PLGRKT: variants seen among roughly 807,000 people sequenced by gnomAD.
PLGRKT encodes plasminogen receptor (KT).
A neutral mutation model predicts 18.5 loss-of-function variants in PLGRKT; 22 were observed. The ratio of observed to expected loss-of-function variants is 1.19; its 90% confidence interval spans 0.85 to 1.70. The LOEUF (loss-of-function observed/expected upper bound fraction) is 1.70. PLGRKT is among the 40% of genes most tolerant of loss of function. The pLI, the probability that PLGRKT is intolerant of heterozygous loss-of-function variation, is 0.00. For missense variants in PLGRKT, 235 were observed against 174.4 expected, an observed-to-expected ratio of 1.35 and a Z score of -1.96; for synonymous variants, 72 against 52.8, an observed-to-expected ratio of 1.36 and a Z score of -1.58.
intron 2 of PLGRKT, among the ~76,000 whole-genome samples, chr9:5,433,192 C>G (rs1216561269): frequency 6.7e-6 from 1 of 150,064 alleles, no homozygotes; most frequent in African/African-American, 2.5e-5. Flanking sequence ...GGCCGCCACC[C>G]CGTCTAGGAA....
chr9:5,397,857 C>G (rs1818082809), intron 3 of PLGRKT, among the ~76,000 whole-genome samples: 1 of 151,956 alleles, frequency 6.6e-6, no homozygotes, highest in Non-Finnish European at 1.5e-5. Context: ...TGCTCCTCTT[C>G]TCTATCTCTA....
intron 3 of PLGRKT, among the ~76,000 whole-genome samples, chr9:5,374,243 C>G (rs193035889): frequency 1.3e-5 from 2 of 152,318 alleles, no homozygotes; most frequent in East Asian, 3.9e-4. Context: ...TACTCCAGTT[C>G]AGACCATCAT....
At chr9:5,387,199 C>T (rs1218587063) in intron 3 of PLGRKT, among the ~76,000 whole-genome samples, 1 of 151,810 alleles carries the variant, frequency 6.6e-6, no homozygotes, top group African/African-American at 2.4e-5. Flanking sequence ...TATAGGGTCT[C>T]GTAGGCCTTT....
chr9:5,362,602 G>A (rs542222611), intron 3 of PLGRKT, among the ~76,000 whole-genome samples: 1 of 152,296 alleles, frequency 6.6e-6, no homozygotes, highest in South Asian at 2.1e-4. Flanking sequence ...CATTGTTGTT[G>A]ATGTTTTAAT....
At chr9:5,364,870 T>C (rs1401060630) in intron 3 of PLGRKT, among the ~76,000 whole-genome samples, 1 of 152,180 alleles carries the variant, frequency 6.6e-6, no homozygotes, top group Non-Finnish European at 1.5e-5. Flanking sequence ...GAATGAACCA[T>C]GTGGTACTGG....
intron 3 of PLGRKT, among the ~76,000 whole-genome samples, chr9:5,408,183 G>A (rs935335581): frequency 3.9e-5 from 6 of 152,200 alleles, no homozygotes; most frequent in African/African-American, 9.6e-5. Flanking sequence ...GGCAGAGGTT[G>A]GAAGAGTGTG....
At chr9:5,389,820 A>T (rs1026812807) in intron 3 of PLGRKT, among the ~76,000 whole-genome samples, 5 of 151,956 alleles carry the variant, frequency 3.3e-5, no homozygotes, top group Non-Finnish European at 7.3e-5. Context: ...AAGTAGAGAA[A>T]CCAGCTTCAT....
intron 3 of PLGRKT, among the ~76,000 whole-genome samples, chr9:5,374,106 G>C (rs1817581154): frequency 6.6e-6 from 1 of 152,152 alleles, no homozygotes; most frequent in African/African-American, 2.4e-5. Context: ...CTCTACCTTA[G>C]AACTGTTCTT....
At chr9:5,394,153 G>C (rs1818000732) in intron 3 of PLGRKT, among the ~76,000 whole-genome samples, 1 of 151,730 alleles carries the variant, frequency 6.6e-6, no homozygotes, top group Non-Finnish European at 1.5e-5. Context: ...AGTTTCAAAG[G>C]CAAAATGATC....
At chr9:5,435,655 A>C (rs145643529) in intron 2 of PLGRKT, among the ~76,000 whole-genome samples, 1 of 152,350 alleles carries the variant, frequency 6.6e-6, no homozygotes, top group African/African-American at 2.4e-5. Context: ...TTTATTCTTA[A>C]TCCAACTGGG....
chr9:5,431,531 C>CAAAAAAAAAAAAAAAAAA (rs1191361436), intron 3 of PLGRKT, among the ~76,000 whole-genome samples: 1 of 77,038 alleles, frequency 1.3e-5, no homozygotes, highest in Non-Finnish European at 2.5e-5. Flanking sequence ...GAGACTCTCT[C>CAAAAAAAAAAAAAAAAAA]AAAAAAAAAA....
At chr9:5,377,594 T>A (rs1370170839) in intron 3 of PLGRKT, among the ~76,000 whole-genome samples, 1 of 152,112 alleles carries the variant, frequency 6.6e-6, no homozygotes, top group Non-Finnish European at 1.5e-5. Flanking sequence ...GCAGATGGGA[T>A]CAAAATGATG....
intron 3 of PLGRKT, among the ~76,000 whole-genome samples, chr9:5,422,464 C>T (rs1325808494): frequency 6.6e-6 from 1 of 152,138 alleles, no homozygotes; most frequent in Non-Finnish European, 1.5e-5. Flanking sequence ...GTAGCACATT[C>T]CATAGAACAG....
chr9:5,423,644 C>A (rs924922864), intron 3 of PLGRKT, among the ~76,000 whole-genome samples: 8 of 152,064 alleles, frequency 5.3e-5, no homozygotes, highest in Non-Finnish European at 7.4e-5. Flanking sequence ...GATTGCCAGG[C>A]CCCAGGTACC....
chr9:5,437,559 T>G (rs1360437638), intron 1 of PLGRKT: 1 of 152,248 alleles, frequency 6.6e-6, no homozygotes, highest in African/African-American at 2.4e-5. Context: ...AACTCTATTT[T>G]AAAGCTACGG....
intron 3 of PLGRKT, among the ~76,000 whole-genome samples, chr9:5,403,873 C>T (rs997793810): frequency 7.2e-5 from 11 of 152,120 alleles, no homozygotes. Context: ...TAGGTTCCCC[C>T]TTATCCTACA....
intron 3 of PLGRKT, among the ~76,000 whole-genome samples, chr9:5,380,251 G>C (rs1817715018): frequency 6.6e-6 from 1 of 151,784 alleles, no homozygotes; most frequent in Non-Finnish European, 1.5e-5. Flanking sequence ...TGTAGTCCCA[G>C]CTACTCGGGA....
chr9:5,435,621 T>C (rs553253978), intron 2 of PLGRKT, among the ~76,000 whole-genome samples: 1 of 152,356 alleles, frequency 6.6e-6, no homozygotes, highest in Admixed American at 6.5e-5. Flanking sequence ...GGCTGTCAAC[T>C]CTACAAGGGA....
chr9:5,387,610 G>A (rs745969546), intron 3 of PLGRKT, among the ~76,000 whole-genome samples: 6 of 151,842 alleles, frequency 4.0e-5, no homozygotes, highest in Non-Finnish European at 8.8e-5. Context: ...AATTTATGGG[G>A]ATAGAAGTCT....
Sources: gnomAD v4.1 joint callset for allele counts (sites outside exome capture counted in the v4.1 genomes callset) on GRCh38, gnomAD v4.1.1 for gene constraint, MANE v1.5 for transcripts, NCBI Gene and HGNC (gene_info 2026-07-23, HGNC 2026-07-21) for gene names.